The following JAM3 variants were observed in gnomAD, a reference collection of about 807,000 sequenced individuals.
The protein encoded by JAM3 is junctional adhesion molecule 3.
A neutral mutation model predicts 39.4 loss-of-function variants in JAM3; 31 were observed. The ratio of observed to expected loss-of-function variants is 0.79; its 90% CI spans 0.59 to 1.06. The LOEUF is 1.06. Ranked by LOEUF, JAM3 falls within the 50% of genes least tolerant of loss-of-function variation. JAM3 has a pLI of 0.00. For synonymous variants in JAM3, 182 were observed against 148.7 expected (o/e 1.22, Z -1.63); for missense variants, 455 against 391.4 (o/e 1.16, Z -1.37).
At chr11:134,110,166 C>G (rs1223681558) in intron 1 of JAM3, among the ~76,000 whole-genome samples, 1 of 152,128 alleles carries the variant, frequency 6.6e-6, no homozygotes, top group Non-Finnish European at 1.5e-5. Context: ...ATTGACTATA[C>G]CTAGTGTTGG....
At chr11:134,147,599 G>A (rs978574874) in intron 6 of JAM3, among the ~76,000 whole-genome samples, 1 of 151,524 alleles carries the variant, frequency 6.6e-6, no homozygotes, top group Admixed American at 6.6e-5. Flanking sequence ...CCTTTCTCCT[G>A]CCTCAGCCTC....
intron 1 of JAM3, among the ~76,000 whole-genome samples, chr11:134,121,025 T>G (rs1942521681): frequency 6.6e-6 from 1 of 152,082 alleles, no homozygotes; most frequent in African/African-American, 2.4e-5. Context: ...AGATGCTGGG[T>G]CTGGCCCCCA....
chr11:134,113,962 C>T (rs1272559276), intron 1 of JAM3, among the ~76,000 whole-genome samples: 1 of 152,178 alleles, frequency 6.6e-6, no homozygotes. Flanking sequence ...AGCATTTCTT[C>T]ATGTGTCTTT....
chr11:134,080,383 T>G (rs934527725), intron 1 of JAM3, among the ~76,000 whole-genome samples: 1 of 152,202 alleles, frequency 6.6e-6, no homozygotes, highest in Non-Finnish European at 1.5e-5. Context: ...ATGCATGATA[T>G]GGTTTGGCTC....
chr11:134,148,705 A>C (rs757448452), intron 7 of JAM3, 29 bp downstream of exon 7: 2 of 1,614,130 alleles, frequency 1.2e-6, no homozygotes, highest in East Asian at 4.5e-5. Context: ...AAAAAAGGGA[A>C]GTTCAAGCTG....
chr11:134,133,556 T>C (rs1204996352), intron 1 of JAM3, among the ~76,000 whole-genome samples: 1 of 152,198 alleles, frequency 6.6e-6, no homozygotes, highest in South Asian at 2.1e-4. Context: ...GATGATCATG[T>C]CATCCCAACT....
intron 1 of JAM3, among the ~76,000 whole-genome samples, chr11:134,112,002 G>A (rs1161004752): frequency 2.6e-5 from 4 of 152,206 alleles, no homozygotes; most frequent in East Asian, 3.8e-4. Flanking sequence ...AAGGAAGACA[G>A]TGGATCTCTA....
chr11:134,130,697 C>G (rs1942753763), intron 1 of JAM3, among the ~76,000 whole-genome samples: 1 of 152,214 alleles, frequency 6.6e-6, no homozygotes, highest in South Asian at 2.1e-4. Context: ...CTACCCTCTC[C>G]CTGGCATAGT....
intron 1 of JAM3, among the ~76,000 whole-genome samples, chr11:134,116,014 G>T (rs1053462125): frequency 6.6e-6 from 1 of 152,170 alleles, no homozygotes; most frequent in Non-Finnish European, 1.5e-5. Flanking sequence ...TTGCTACCCT[G>T]ATCACTAGGT....
intron 1 of JAM3, among the ~76,000 whole-genome samples, chr11:134,080,303 G>T (rs915614577): frequency 6.6e-6 from 1 of 152,214 alleles, no homozygotes; most frequent in Admixed American, 6.5e-5. Flanking sequence ...TAACGTCAGT[G>T]AAATAGCTTA....
intron 1 of JAM3, among the ~76,000 whole-genome samples, chr11:134,106,901 A>T (rs183772356): frequency 8.2e-4 from 125 of 152,324 alleles, no homozygotes; most frequent in South Asian, 2.5e-3. Flanking sequence ...AAACTAGTTC[A>T]ACCGTTGTGG....
intron 1 of JAM3, chr11:134,124,056 T>G: frequency 1.4e-5 from 21 of 1,452,026 alleles, no homozygotes; most frequent in Non-Finnish European, 1.9e-5. Flanking sequence ...ACCTGGCTCT[T>G]CACAGAATTT....
intron 1 of JAM3, among the ~76,000 whole-genome samples, chr11:134,112,296 C>G (rs1942328352): frequency 6.6e-6 from 1 of 152,070 alleles, no homozygotes; most frequent in Non-Finnish European, 1.5e-5. Flanking sequence ...CCATGTTGAC[C>G]AGGCTGGTCT....
intron 1 of JAM3, among the ~76,000 whole-genome samples, chr11:134,118,249 G>A (rs1185111920): frequency 2.0e-5 from 3 of 152,188 alleles, no homozygotes; most frequent in African/African-American, 4.8e-5. Context: ...AGGATTTTAT[G>A]TGTTCATCTG....
intron 1 of JAM3, among the ~76,000 whole-genome samples, chr11:134,139,472 A>T (rs897901795): frequency 6.6e-6 from 1 of 151,900 alleles, no homozygotes; most frequent in African/African-American, 2.4e-5. Flanking sequence ...CCTGTGCAGG[A>T]TTGGAAGCCT....
At chr11:134,097,148 G>T (rs1292444894) in intron 1 of JAM3, among the ~76,000 whole-genome samples, 1 of 152,116 alleles carries the variant, frequency 6.6e-6, no homozygotes, top group Non-Finnish European at 1.5e-5. Context: ...GCTGCTTAGG[G>T]TGAGGGGAAA....
rs2120857488 is a variant in JAM3, at chr11:134,140,790, T to C, written c.256+20T>C. ...TTCAGGGTATGATCCTGTAGTCCTC[T>C]TGCCTGCTGACCTTTCCTCTGTCCA... On this transcript the variant is annotated intron_variant, in intron 3 of 8. Transcript: ENST00000299106. 1 of 1,602,022 alleles carries C rather than the reference T, an allele frequency of 6.2e-7. No homozygotes were observed. The highest frequency in any genetic ancestry group is 1.7e-4 in the Middle Eastern group (1 of 6,022).
Position 134,148,801 on chromosome 11 carries a change from A to G in JAM3, c.880A>G (p.Ile294Val). 4 of 1,614,168 alleles carry G rather than the reference A, an allele frequency of 2.5e-6. No individual in the cohort carries two copies. Among genetic ancestry groups the G allele is most frequent in the Non-Finnish European group, 3.4e-6 (4 of 1,180,026 alleles). ...NPGKPDGVNY[I>V]RTDEEGDFRH... ...AGGGAAACCAGATGGAGTTAACTACATCCGCACTGACGAGGAGGTAATCAT... is the reference window on the plus strand; with the variant it reads ...AGGGAAACCAGATGGAGTTAACTACGTCCGCACTGACGAGGAGGTAATCAT... Residue 294 changes from isoleucine to valine, a missense_variant, in exon 8 of 9, where the codon ATC (isoleucine) becomes GTC (valine). Physicochemically the swap from Ile to Val is conservative, Grantham distance 29. Transcript: ENST00000299106.
chr11:134,119,028 G>T (rs1302039059), intron 1 of JAM3, among the ~76,000 whole-genome samples: 1 of 150,672 alleles, frequency 6.6e-6, no homozygotes, highest in African/African-American at 2.5e-5. Context: ...GAATGCAGTG[G>T]CATGATCTCA....
Sources: allele counts gnomAD v4.1 joint callset (sites outside exome capture counted in the v4.1 genomes callset), GRCh38; gene constraint gnomAD v4.1.1; transcripts MANE v1.5; gene names NCBI Gene and HGNC (gene_info 2026-07-23, HGNC 2026-07-21).